The following LTA4H variants were observed in gnomAD, a reference collection of about 807,000 sequenced individuals.
LTA4H encodes leukotriene A4 hydrolase.
In LTA4H, 59 loss-of-function variants were observed where a neutral mutation model predicts 89.8. That is an observed-to-expected ratio of 0.66 (90% CI 0.53 to 0.82). The LOEUF (loss-of-function observed/expected upper bound fraction) is 0.82. Among genes scored for constraint, LTA4H ranks in the 40% least tolerant of loss-of-function variants. The pLI is 0.00. For synonymous variants in LTA4H, 227 were observed against 253.1 expected (o/e 0.90, Z 0.98); for missense variants, 617 against 727.0 (o/e 0.85, Z 1.74).
Position 96,014,773 on chromosome 12 carries a change from C to G in LTA4H, c.1204+82G>C. The G allele has an allele frequency of 3.8e-6, 5 of 1,331,952 alleles. No individual in the cohort carries two copies. The South Asian group carries it at 7.1e-5, about 19-fold the overall frequency. 82.5% of individuals were successfully genotyped at this position (1,331,952 alleles called of 1,614,324 possible). A position where few individuals can be genotyped will look rare whatever the true frequency, so the allele number is the denominator to read the frequency against. ...AATGAATTGGAAGTATTAAATGGAA[C>G]AAAACAATAGTTTACAATTCTTCCT... On this transcript the variant is annotated intron_variant, in intron 12 of 18. Transcript: ENST00000228740.
chr12:96,020,001 T>C (rs1175670198), intron 6 of LTA4H, among the ~76,000 whole-genome samples: 1 of 150,558 alleles, frequency 6.6e-6, no homozygotes, highest in Non-Finnish European at 1.5e-5. Context: ...CCTCCTGGGC[T>C]CAAGCAATAC....
At chr12:96,028,409 T>C (rs1199263817) in intron 2 of LTA4H, among the ~76,000 whole-genome samples, 1 of 152,210 alleles carries the variant, frequency 6.6e-6, no homozygotes, top group East Asian at 1.9e-4. Context: ...AACACTGGCC[T>C]CTGAACAACT....
intron 1 of LTA4H, among the ~76,000 whole-genome samples, chr12:96,030,294 T>G (rs990606156): frequency 6.6e-6 from 1 of 152,198 alleles, no homozygotes; most frequent in Admixed American, 6.5e-5. Flanking sequence ...CCTTTGATTT[T>G]CTTGCCATAT....
chr12:96,022,128 C>A lies in LTA4H; in HGVS notation c.585+19G>T, dbSNP rs1003034670. ...GTTTACCGCCAATGAAAACAAAAATCTAGACCCTAGGATCTTACTTTTTGG... is the reference window on the plus strand; with the variant it reads ...GTTTACCGCCAATGAAAACAAAAATATAGACCCTAGGATCTTACTTTTTGG... On this transcript the variant is annotated intron_variant, in intron 5 of 18. Transcript: ENST00000228740. This position sits in a 1 kb window ranked among gnomAD's most constrained non-coding sequence, Gnocchi z 4.0. 1.9e-6 allele frequency: 3 copies of A among 1,566,828 alleles called. No homozygotes were observed. The African/African-American group carries it at 4.1e-5, about 21-fold the overall frequency.
rs185889457 is a variant in LTA4H at position 96,019,136 on chromosome 12, C to A, written c.711+32G>T. 2.2e-5 allele frequency: 35 copies of A among 1,574,734 alleles called. No individual in the cohort carries two copies. The African/African-American group carries it at 4.1e-4, about 18-fold the overall frequency. ...AAAATCTTCAATCTACTGTCTATCACAATGATTACAAAGGATAACTAAATG... is the reference window on the plus strand; with the variant it reads ...AAAATCTTCAATCTACTGTCTATCAAAATGATTACAAAGGATAACTAAATG... On this transcript the variant is annotated intron_variant, in intron 7 of 18. Transcript: ENST00000228740.
chr12:96,014,822 GA>G (rs200695133), intron 12 of LTA4H, 32 bp downstream of exon 12: 646 of 1,472,636 alleles, frequency 4.4e-4, no homozygotes, highest in South Asian at 9.1e-4. Flanking sequence ...CCCTCAAAAA[GA>G]AAAAAAAAAT....
intron 18 of LTA4H, 118 bp downstream of exon 18, chr12:96,002,842 T>TATACTG: frequency 1.5e-6 from 1 of 675,148 alleles, no homozygotes; most frequent in South Asian, 2.1e-5. Context: ...ATTCCAAAAT[T>TATACTG]ATACTGATAA....
chr12:96,035,227 G>T lies in LTA4H; in HGVS notation c.159+134C>A, dbSNP rs1217141646. The T allele has an allele frequency of 6.9e-6, 6 of 874,526 alleles. No individual in the cohort carries two copies. The East Asian group carries it at 1.1e-4, about 16-fold the overall frequency. 54.2% of individuals were successfully genotyped at this position (874,526 alleles called of 1,614,324 possible). A position where few individuals can be genotyped will look rare whatever the true frequency, so the allele number is the denominator to read the frequency against. Reference sequence around the variant, plus strand: ...CAACATGAGTTGGATGGAGGCTACAGAAGAGCAGACGGGGACGTGGGGCTA... The same window carrying T: ...CAACATGAGTTGGATGGAGGCTACATAAGAGCAGACGGGGACGTGGGGCTA... On this transcript the variant is annotated intron_variant, in intron 1 of 18. Transcript: ENST00000228740.
upstream of LTA4H, among the ~76,000 whole-genome samples, chr12:96,036,034 A>G (rs1950640230): frequency 6.6e-6 from 1 of 152,196 alleles, no homozygotes; most frequent in Non-Finnish European, 1.5e-5. Flanking sequence ...TCGTTAGTAT[A>G]GTGGTGAGTA....
At chr12:96,019,583 C>CTTTTTTT (rs1194400496) in intron 6 of LTA4H, among the ~76,000 whole-genome samples, 1 of 140,302 alleles carries the variant, frequency 7.1e-6, no homozygotes, top group African/African-American at 2.8e-5. Context: ...TCATAAGAAA[C>CTTTTTTT]TATTTTTTTT....
rs1396648483 is a variant in LTA4H at position 96,022,528 on chromosome 12, G to A, written c.481-277C>T. Among the ~76,000 whole-genome samples the A allele has an allele frequency of 6.6e-6, 1 of 151,898 alleles. No homozygotes were observed. Among genetic ancestry groups the A allele is most frequent in the Non-Finnish European group, 1.5e-5 (1 of 68,006 alleles). ...ATATACACATATACATATCAGTTTTGTAAATAAAATTAGCAATATGGGAAA... is the reference window on the plus strand; with the variant it reads ...ATATACACATATACATATCAGTTTTATAAATAAAATTAGCAATATGGGAAA... On this transcript the variant is annotated intron_variant, in intron 4 of 18. Transcript: ENST00000228740. The surrounding 1 kb of genome is among the most constrained non-coding windows in gnomAD (Gnocchi z 4.0).
At chr12:96,018,723 T>C (rs780213726) in intron 8 of LTA4H, 40 bp downstream of exon 8, 3 of 1,480,704 alleles carry the variant, frequency 2.0e-6, no homozygotes, top group African/African-American at 2.8e-5. Flanking sequence ...AAGTTTATTT[T>C]TGAAACGTCA....
chr12:96,043,173 G>T, intron 1 of LTA4H: 1 of 706,734 alleles, frequency 1.4e-6, no homozygotes, highest in Non-Finnish European at 2.4e-6. Flanking sequence ...GACGCAACCT[G>T]CAGTAGTTGG....
intron 17 of LTA4H, 22 bp from the exon 18 acceptor site, chr12:96,003,086 A>G (rs775153290): frequency 5.3e-6 from 8 of 1,496,736 alleles, no homozygotes; most frequent in African/African-American, 2.7e-5. Flanking sequence ...ATTTGGGGGG[A>G]GCATGGAGTA....
intron 12 of LTA4H, 171 bp from the exon 13 acceptor site, chr12:96,014,024 TA>T (rs1475222084): frequency 1.9e-6 from 1 of 517,832 alleles, no homozygotes; most frequent in Non-Finnish European, 3.4e-6. Flanking sequence ...AGGTGGGACT[TA>T]AGTTGGGCCT....
chr12:96,019,023 G>T (rs948511637), intron 7 of LTA4H, 120 bp from the exon 8 acceptor site: 3 of 1,204,974 alleles, frequency 2.5e-6, no homozygotes, highest in African/African-American at 3.1e-5. Flanking sequence ...AAATGAAAAT[G>T]ATAAAAAGAA....
chr12:96,029,197 A>C lies in LTA4H; in HGVS notation c.160-12T>G, dbSNP rs751490076. 1 of 1,417,050 alleles carries C rather than the reference A, an allele frequency of 7.1e-7. No homozygotes were observed. Among genetic ancestry groups the C allele is most frequent in the Non-Finnish European group, 9.7e-7 (1 of 1,036,032 alleles). The allele number at this position is 1,417,050 out of a possible 1,614,324, so 87.8% of individuals were successfully genotyped here. On this transcript the variant is annotated splice_polypyrimidine_tract_variant and intron_variant, in intron 1 of 18. Coordinates refer to ENST00000228740, the MANE Select transcript of LTA4H (RefSeq NM_000895.3). ...TTTGTATCCAAAACCTAAAATTAATATTTTTAAATAGTAAGAAAATAGTTT... is the reference window on the plus strand; with the variant it reads ...TTTGTATCCAAAACCTAAAATTAATCTTTTTAAATAGTAAGAAAATAGTTT...
At chr12:96,041,414 C>T (rs1056221563) in intron 1 of LTA4H, among the ~76,000 whole-genome samples, 5 of 152,120 alleles carry the variant, frequency 3.3e-5, no homozygotes, top group Non-Finnish European at 7.4e-5. Context: ...GGTTTCCTCC[C>T]TTTGCTCTGC....
At position 96,009,819 on chromosome 12, in the gene LTA4H, T is replaced by C. The variant is rs189252701; in HGVS notation, c.1380-671A>G. The stretch of plus-strand genomic sequence containing the variant: ...AACATCCCTCTTTCTCCGTAAATCA[T>C]GCTTGCTTGTACTGAAATGCTTGTA... On this transcript the variant is annotated intron_variant, in intron 14 of 18. Transcript: ENST00000228740. The C allele has an allele frequency of 1.2e-3, 177 of 152,400 alleles. 1 individual carries two copies. Among genetic ancestry groups the C allele is most frequent in the Middle Eastern group, 6.8e-3 (2 of 294 alleles). 9.4% of individuals were successfully genotyped at this position (152,400 alleles called of 1,614,324 possible).
Sources: allele counts gnomAD v4.1 joint callset (sites outside exome capture counted in the v4.1 genomes callset), GRCh38; gene constraint gnomAD v4.1.1; non-coding constraint Gnocchi (gnomAD v3.1); transcripts MANE v1.5; gene names NCBI Gene and HGNC (gene_info 2026-07-23, HGNC 2026-07-21).